The following CARMIL1 variants were observed in gnomAD, a reference collection of about 807,000 sequenced individuals.
CARMIL1 encodes F-actin-uncapping protein LRRC16A.
CARMIL1 carries 90 observed loss-of-function variants against 177.1 expected under a neutral mutation model. The ratio of observed to expected loss-of-function variants is 0.51; its 90% CI spans 0.43 to 0.61. The LOEUF (loss-of-function observed/expected upper bound fraction) is 0.61. CARMIL1 is among the 20% of genes least tolerant of loss of function. The pLI is 0.00. For missense variants in CARMIL1, 1,380 were observed against 1,667.0 expected, an observed-to-expected ratio of 0.83 and a Z score of 3.00; for synonymous variants, 577 against 606.2, an observed-to-expected ratio of 0.95 and a Z score of 0.71.
At chr6:25,309,411 G>A (rs1783580969) in intron 2 of CARMIL1, among the ~76,000 whole-genome samples, 1 of 145,762 alleles carries the variant, frequency 6.9e-6, no homozygotes, top group African/African-American at 2.5e-5. Context: ...CCTGTTTAAA[G>A]TGTACAATTC....
chr6:25,295,275 A>G (rs1782294118), intron 2 of CARMIL1, among the ~76,000 whole-genome samples: 1 of 152,186 alleles, frequency 6.6e-6, no homozygotes, highest in African/African-American at 2.4e-5. Flanking sequence ...GTATACTTTT[A>G]AAATTTAATT....
intron 2 of CARMIL1, among the ~76,000 whole-genome samples, chr6:25,336,402 C>T (rs746998819): frequency 6.6e-5 from 10 of 152,176 alleles, no homozygotes; most frequent in Non-Finnish European, 1.5e-4. Context: ...CTCTACTCAC[C>T]TCCCCTGTGA....
intron 29 of CARMIL1, among the ~76,000 whole-genome samples, chr6:25,569,404 G>T (rs1033965114): frequency 6.6e-6 from 1 of 152,152 alleles, no homozygotes; most frequent in South Asian, 2.1e-4. Context: ...TTTCAGTAAA[G>T]CTTGGGGAAC....
intron 2 of CARMIL1, among the ~76,000 whole-genome samples, chr6:25,325,485 C>G (rs1264422637): frequency 6.6e-6 from 1 of 152,130 alleles, no homozygotes; most frequent in East Asian, 1.9e-4. Flanking sequence ...ATTTTTTCCC[C>G]TACAGTTTTC....
rs1299447231 is a variant in CARMIL1, at chr6:25,600,336, G to C, written c.3142G>C (p.Glu1048Gln). Reference sequence around the variant, plus strand: ...CAGGAAATGGTCAACAAGAGGCTCAGAGTCCCATGAGCTTAATGAAGGAGG... The same window carrying C: ...CAGGAAATGGTCAACAAGAGGCTCACAGTCCCATGAGCTTAATGAAGGAGG... Reference protein sequence around the residue: ...DSKKWSTRGSESHELNEGGDE... With the variant: ...DSKKWSTRGSQSHELNEGGDE... Residue 1048 changes from glutamate (E) to glutamine (Q), a missense_variant, in exon 33 of 37, where the codon GAG (glutamate) becomes CAG (glutamine). By Grantham distance (29) the Glu-to-Gln change is conservative (BLOSUM62 2). Coordinates refer to ENST00000329474, the MANE Select transcript of CARMIL1 (RefSeq NM_017640.6). 2 of 1,612,668 alleles carry C rather than the reference G, an allele frequency of 1.2e-6. No individual in the cohort carries two copies. The highest frequency in any genetic ancestry group is 2.7e-5 in the African/African-American group (2 of 74,768).
At chr6:25,284,709 A>G in intron 1 of CARMIL1, 103 bp from the exon 2 acceptor site, 1 of 673,110 alleles carries the variant, frequency 1.5e-6, no homozygotes, top group East Asian at 2.9e-5. Context: ...ACTCTGTCTC[A>G]AAAGACAACA....
At chr6:25,351,596 G>T (rs147571180) in intron 2 of CARMIL1, among the ~76,000 whole-genome samples, 2 of 152,174 alleles carry the variant, frequency 1.3e-5, no homozygotes, top group African/African-American at 4.8e-5. Context: ...AGTTGGATGC[G>T]AGGTTGCCTT....
intron 20 of CARMIL1, among the ~76,000 whole-genome samples, chr6:25,513,271 C>T (rs1170057643): frequency 6.6e-6 from 1 of 152,016 alleles, no homozygotes; most frequent in African/African-American, 2.4e-5. Context: ...CAGTAAGTTT[C>T]CTGAGCCTGA....
In CARMIL1 at chr6:25,390,312, ATATATATATTTTTTTTT is replaced by A; in HGVS notation, c.139-29800_139-29784del. ...TATTTACATATATATATATATATAT[ATATATATATTTTTTTTT>A]TTTTTTTTTTGAGACAGGGTCTCAG... On this transcript the variant is annotated intron_variant, in intron 2 of 36. Transcript: ENST00000329474. Among the ~76,000 whole-genome samples the A allele has an allele frequency of 5.1e-5, 2 of 38,872 alleles. 1 individual carries two copies. The highest frequency in any genetic ancestry group is 1.3e-3 in the South Asian group (2 of 1,562). The allele number at this position is 38,872 out of a possible 152,430, so 25.5% of individuals were successfully genotyped here. A position where few individuals can be genotyped will look rare whatever the true frequency, so the allele number is the denominator to read the frequency against.
chr6:25,600,586 C>A lies in CARMIL1; in HGVS notation c.3392C>A (p.Ser1131Tyr). 6.2e-7 allele frequency: 1 copy of A among 1,613,870 alleles called. No homozygotes were observed. The highest frequency in any genetic ancestry group is 8.5e-7 in the Non-Finnish European group (1 of 1,179,870). The change falls in exon 33 of 37, where the codon TCC becomes TAC. Residue 1131 changes from serine (S) to tyrosine (Y), a missense_variant. By Grantham distance (144) the Ser-to-Tyr change is moderately radical (BLOSUM62 -2). Coordinates refer to ENST00000329474, the MANE Select transcript of CARMIL1 (RefSeq NM_017640.6). ...ATAGAGGAGATAAAAACACCTGACT[C>A]CTTTGAAGAGAGTCAAGGGGAAGAA... ...ERIEEIKTPD[S>Y]FEESQGEEIG...
At chr6:25,348,056 C>G (rs1787714476) in intron 2 of CARMIL1, among the ~76,000 whole-genome samples, 1 of 152,182 alleles carries the variant, frequency 6.6e-6, no homozygotes, top group Non-Finnish European at 1.5e-5. Context: ...GCCACAGGCT[C>G]ATTGATATAA....
intron 2 of CARMIL1, among the ~76,000 whole-genome samples, chr6:25,311,599 C>T (rs1409829979): frequency 2.0e-5 from 3 of 151,988 alleles, no homozygotes; most frequent in East Asian, 1.9e-4. Context: ...CCAGTTCCCA[C>T]CCCCACCCAT....
chr6:25,372,696 T>C (rs903506848), intron 2 of CARMIL1, among the ~76,000 whole-genome samples: 2 of 152,170 alleles, frequency 1.3e-5, no homozygotes, highest in Non-Finnish European at 2.9e-5. Flanking sequence ...CAAACAGAGA[T>C]AGTGTAATTT....
chr6:25,596,770 T>A (rs1189779723), intron 32 of CARMIL1, among the ~76,000 whole-genome samples: 1 of 152,054 alleles, frequency 6.6e-6, no homozygotes. Flanking sequence ...ATGTTGGTGC[T>A]GAAAAAGTTT....
At chr6:25,311,651 A>G (rs936975573) in intron 2 of CARMIL1, among the ~76,000 whole-genome samples, 3 of 151,212 alleles carry the variant, frequency 2.0e-5, no homozygotes, top group Non-Finnish European at 4.4e-5. Context: ...TGAAGGTTCT[A>G]TTGTGAAAAG....
chr6:25,476,104 A>G (rs1362471237), intron 11 of CARMIL1, among the ~76,000 whole-genome samples: 1 of 152,164 alleles, frequency 6.6e-6, no homozygotes, highest in Non-Finnish European at 1.5e-5. Context: ...TTCAATCTTA[A>G]TGCTCTTGTA....
intron 11 of CARMIL1, among the ~76,000 whole-genome samples, chr6:25,481,536 CAGG>C (rs1009769791): frequency 6.6e-6 from 1 of 152,160 alleles, no homozygotes; most frequent in African/African-American, 2.4e-5. Context: ...TCATCCATAG[CAGG>C]AGGTCAGTTG....
At chr6:25,352,270 C>T (rs1029655492) in intron 2 of CARMIL1, among the ~76,000 whole-genome samples, 2 of 151,780 alleles carry the variant, frequency 1.3e-5, no homozygotes, top group Non-Finnish European at 2.9e-5. Context: ...GACCATCAAC[C>T]TGGTCATCTT....
In CARMIL1 at chr6:25,600,655, C is replaced by G; in HGVS notation, c.3461C>G (p.Ala1154Gly). The change falls in exon 33 of 37, where the codon GCA becomes GGA. Residue 1154 changes from alanine (A) to glycine (G), a missense_variant. Physicochemically the swap from Ala to Gly is moderately conservative, Grantham distance 60 (BLOSUM62 0). Transcript: ENST00000329474. ...ERSDSKSSPQ[A>G]GRRYGVQVMG... ...AGTGACAGCAAGAGCAGCCCACAGG[C>G]AGGGCGGAGGTATGGGGTCCAGGTG... 6.2e-7 allele frequency: 1 copy of G among 1,613,078 alleles called. No homozygotes were observed. The highest frequency in any genetic ancestry group is 8.5e-7 in the Non-Finnish European group (1 of 1,179,468).
Sources: gnomAD v4.1 joint callset for allele counts (sites outside exome capture counted in the v4.1 genomes callset) on GRCh38, gnomAD v4.1.1 for gene constraint, MANE v1.5 for transcripts, NCBI Gene and HGNC (gene_info 2026-07-23, HGNC 2026-07-21) for gene names.